Variants in TENM4 observed in about 807,000 individuals in gnomAD.
TENM4 encodes the protein teneurin transmembrane protein 4.
Under a neutral mutation model 243.3 loss-of-function variants are expected in TENM4, and 82 were observed. The ratio of observed to expected loss-of-function variants is 0.34; its 90% CI spans 0.28 to 0.40. The LOEUF is 0.40. Among genes scored for constraint, TENM4 ranks in the 10% least tolerant of loss-of-function variants. The pLI, the probability that TENM4 is intolerant of heterozygous loss-of-function variation, is 1.00. For synonymous variants in TENM4, 1,412 were observed against 1,456.3 expected (o/e 0.97, Z 0.69); for missense variants, 3,138 against 3,673.3 (o/e 0.85, Z 3.77).
At chr11:78,931,666 T>C (rs1856672166) in intron 6 of TENM4, among the ~76,000 whole-genome samples, 1 of 152,222 alleles carries the variant, frequency 6.6e-6, no homozygotes, top group Admixed American at 6.5e-5. Context: ...GTGGCTGTCC[T>C]AGGCTCACTA....
intron 3 of TENM4, among the ~76,000 whole-genome samples, chr11:79,214,799 G>T (rs488492): frequency 0.58 from 88,885 of 152,076 alleles, 26,793 homozygotes; most frequent in Middle Eastern, 0.77. Flanking sequence ...GAGACCAAAG[G>T]GGCCAATCAT....
chr11:79,161,879 A>C (rs1862753603), intron 3 of TENM4, among the ~76,000 whole-genome samples: 1 of 152,212 alleles, frequency 6.6e-6, no homozygotes, highest in Non-Finnish European at 1.5e-5. Context: ...CCAAGTGCGC[A>C]CTTAGACATA....
intron 1 of TENM4, among the ~76,000 whole-genome samples, chr11:79,400,144 CA>C (rs1389862873): frequency 1.0e-4 from 15 of 145,532 alleles, no homozygotes; most frequent in African/African-American, 3.1e-4. Context: ...CACACACACA[CA>C]CCCTCCAGGA....
chr11:79,315,957 A>G (rs962190539), intron 1 of TENM4, among the ~76,000 whole-genome samples: 4 of 152,358 alleles, frequency 2.6e-5, no homozygotes, highest in African/African-American at 9.6e-5. Flanking sequence ...TAATGGCCGA[A>G]ACTGCAGTTA....
intron 26 of TENM4, among the ~76,000 whole-genome samples, chr11:78,710,922 T>C (rs1859382118): frequency 6.6e-6 from 1 of 152,154 alleles, no homozygotes; most frequent in South Asian, 2.1e-4. Flanking sequence ...TAAAAATTCT[T>C]AGAAAAAACT....
intron 4 of TENM4, among the ~76,000 whole-genome samples, chr11:79,130,314 T>A (rs1861974283): frequency 6.6e-6 from 1 of 151,974 alleles, no homozygotes; most frequent in East Asian, 1.9e-4. Flanking sequence ...TCTGATAATA[T>A]GACAAAACAA....
chr11:79,265,507 G>A (rs1452920921), intron 2 of TENM4, among the ~76,000 whole-genome samples: 4 of 150,628 alleles, frequency 2.7e-5, no homozygotes, highest in Non-Finnish European at 5.9e-5. Context: ...ATTTTGAATA[G>A]ATTGTGTTAC....
At chr11:78,708,644 T>C in intron 26 of TENM4, 129 bp from the exon 27 acceptor site, 1 of 1,090,596 alleles carries the variant, frequency 9.2e-7, no homozygotes, top group South Asian at 1.6e-5. Flanking sequence ...ACAACCTTCA[T>C]TCCTCTCTCA....
intron 1 of TENM4, among the ~76,000 whole-genome samples, chr11:79,430,953 GA>G (rs1448803773): frequency 6.6e-6 from 1 of 152,158 alleles, no homozygotes; most frequent in African/African-American, 2.4e-5. Flanking sequence ...AAACGTGCTA[GA>G]AAAAACAGAT....
At chr11:78,856,883 C>G (rs61881987) in intron 10 of TENM4, among the ~76,000 whole-genome samples, 22,117 of 152,104 alleles carry the variant, frequency 0.15, 2,116 homozygotes, top group African/African-American at 0.27. Flanking sequence ...ACACACCAAG[C>G]CTATGCCATA....
intron 1 of TENM4, among the ~76,000 whole-genome samples, chr11:79,434,976 A>G (rs1859242145): frequency 6.6e-6 from 1 of 152,224 alleles, no homozygotes; most frequent in Non-Finnish European, 1.5e-5. Flanking sequence ...GTCATACTAT[A>G]ACATTGGGGG....
At chr11:79,312,008 T>C (rs1361222158) in intron 1 of TENM4, among the ~76,000 whole-genome samples, 1 of 152,186 alleles carries the variant, frequency 6.6e-6, no homozygotes, top group African/African-American at 2.4e-5. Context: ...GAGGAGAGCC[T>C]CCAAGGCAGG....
intron 4 of TENM4, among the ~76,000 whole-genome samples, chr11:79,108,438 G>T (rs1861424858): frequency 6.6e-6 from 1 of 152,204 alleles, no homozygotes; most frequent in South Asian, 2.1e-4. Context: ...ACAATCACGT[G>T]AGCCAATTCC....
intron 6 of TENM4, among the ~76,000 whole-genome samples, chr11:78,973,496 G>A (rs1172288858): frequency 3.9e-5 from 6 of 152,122 alleles, no homozygotes; most frequent in Non-Finnish European, 7.4e-5. Flanking sequence ...TGTCTATTCA[G>A]ATCCATTGCC....
chr11:79,020,329 G>A (rs552489293), intron 6 of TENM4, among the ~76,000 whole-genome samples: 3 of 152,290 alleles, frequency 2.0e-5, no homozygotes, highest in African/African-American at 7.2e-5. Context: ...TCCAAATGTT[G>A]AGCTCATGTC....
chr11:79,032,266 G>T (rs1416726032), intron 6 of TENM4, among the ~76,000 whole-genome samples: 1 of 152,172 alleles, frequency 6.6e-6, no homozygotes, highest in Non-Finnish European at 1.5e-5. Context: ...ATCACCCTGA[G>T]GCGGGGGGCA....
chr11:78,658,745 C>G lies in TENM4; in HGVS notation c.7623G>C (p.Gln2541His), dbSNP rs771491025. The G allele has an allele frequency of 9.9e-6, 16 of 1,613,904 alleles. No homozygotes were observed. The highest frequency in any genetic ancestry group is 2.2e-5 in the East Asian group (1 of 44,898). Residue 2541 changes from glutamine (Q) to histidine (H), a missense_variant, in exon 34 of 34, where the codon CAG becomes CAC. By Grantham distance (24) the Gln-to-His change is conservative (BLOSUM62 0). This residue lies in a region of TENM4 where 2,467 missense variants were observed against 3,059.1 expected (regional missense o/e 0.81). Transcript: ENST00000278550. ...AGCTGGTGATTGTGGAGCCATAGAG[C>G]TGGTCAAACCGTTCTAAGGTGACAA... ...KAFVTLERFD[Q>H]LYGSTITSCQ...
At chr11:79,322,709 C>T (rs1856911587) in intron 1 of TENM4, among the ~76,000 whole-genome samples, 1 of 152,284 alleles carries the variant, frequency 6.6e-6, no homozygotes, top group South Asian at 2.1e-4. Flanking sequence ...ATTCTCTTAA[C>T]ATGTAGACCT....
chr11:79,214,137 AC>A (rs1363769073), intron 3 of TENM4, among the ~76,000 whole-genome samples: 1 of 151,996 alleles, frequency 6.6e-6, no homozygotes, highest in Non-Finnish European at 1.5e-5. Context: ...GACTACAGGT[AC>A]CTGCCACCAC....
Sources: gnomAD v4.1 joint callset for allele counts (sites outside exome capture counted in the v4.1 genomes callset) on GRCh38, gnomAD v4.1.1 for gene constraint, gnomAD v4.1.1 regional missense constraint, MANE v1.5 for transcripts, NCBI Gene and HGNC (gene_info 2026-07-23, HGNC 2026-07-21) for gene names.